The following ERG variants were observed in gnomAD, a reference collection of about 807,000 sequenced individuals.
ERG encodes ETS transcription factor ERG.
Under a neutral mutation model 55.3 loss-of-function variants are expected in ERG, and 9 were observed. That is an observed-to-expected ratio of 0.16 (90% confidence interval 0.10 to 0.28). The LOEUF is 0.28. Ranked by LOEUF, ERG falls within the 10% of genes least tolerant of loss-of-function variation. The pLI, the probability that ERG is intolerant of heterozygous loss-of-function variation, is 1.00. For missense variants in ERG, 434 were observed against 631.6 expected (o/e 0.69, Z 3.35); for synonymous variants, 223 against 237.3 (o/e 0.94, Z 0.55).
Position 38,559,583 on chromosome 21 carries a change from A to G in ERG, c.-41+16079T>C, listed in dbSNP as rs186709929. Reference sequence around the variant, plus strand: ...TAACGTCAACCTTAAATAACAGTAGAGGCAGGTAATATAACAAATAGAGTC... The same window carrying G: ...TAACGTCAACCTTAAATAACAGTAGGGGCAGGTAATATAACAAATAGAGTC... On this transcript the variant is annotated intron_variant, in intron 2 of 8. Transcript: ENST00000398897. 1.8e-4 allele frequency among the ~76,000 whole-genome samples: 27 copies of G among 152,328 alleles called. No homozygotes were observed. The East Asian group carries it at 5.0e-3, about 28-fold the overall frequency.
At chr21:38,436,234 C>T (rs1270585567) in intron 2 of ERG, among the ~76,000 whole-genome samples, 2 of 151,918 alleles carry the variant, frequency 1.3e-5, no homozygotes, top group Non-Finnish European at 2.9e-5. Flanking sequence ...TGGTCTCGAA[C>T]TCCTGACCCA....
intron 1 of ERG, among the ~76,000 whole-genome samples, chr21:38,608,643 G>A (rs1291698479): frequency 1.2e-4 from 18 of 152,182 alleles, no homozygotes; most frequent in Admixed American, 1.1e-3. Flanking sequence ...ACCTAAAGCT[G>A]AGGGTTTGGA....
intron 2 of ERG, among the ~76,000 whole-genome samples, chr21:38,436,000 C>A (rs1236051846): frequency 1.3e-5 from 2 of 149,008 alleles, no homozygotes; most frequent in Non-Finnish European, 3.0e-5. Flanking sequence ...GTAACCAAAA[C>A]AATTTTACTT....
At chr21:38,549,626 G>A (rs971181008) in intron 2 of ERG, among the ~76,000 whole-genome samples, 4 of 152,130 alleles carry the variant, frequency 2.6e-5, no homozygotes, top group Non-Finnish European at 5.9e-5. Context: ...TTGAAACAGA[G>A]GCTTCTTTGG....
At chr21:38,637,606 C>G (rs2060397622) in intron 1 of ERG, among the ~76,000 whole-genome samples, 1 of 152,122 alleles carries the variant, frequency 6.6e-6, no homozygotes, top group Non-Finnish European at 1.5e-5. Context: ...GAAAGAGCAA[C>G]TAAAATTATG....
At chr21:38,422,114 T>C (rs1381949899) in intron 3 of ERG, among the ~76,000 whole-genome samples, 2 of 152,034 alleles carry the variant, frequency 1.3e-5, no homozygotes, top group Admixed American at 1.3e-4. Context: ...CAGTCACAGG[T>C]GGAGACGAGA....
At chr21:38,436,526 GT>G (rs2058791908) in intron 2 of ERG, among the ~76,000 whole-genome samples, 1 of 152,154 alleles carries the variant, frequency 6.6e-6, no homozygotes, top group South Asian at 2.1e-4. Context: ...GTCCAGGCCT[GT>G]GGTCAAATGG....
chr21:38,530,644 T>C (rs2059666005), intron 2 of ERG, among the ~76,000 whole-genome samples: 1 of 152,158 alleles, frequency 6.6e-6, no homozygotes, highest in South Asian at 2.1e-4. Flanking sequence ...ACCATCTACA[T>C]CATTAGGCGA....
chr21:38,378,819 C>T (rs905466203), downstream of ERG, among the ~76,000 whole-genome samples: 5 of 152,222 alleles, frequency 3.3e-5, no homozygotes, highest in African/African-American at 1.2e-4. Flanking sequence ...GGCAAAATAG[C>T]TTAAGATTAA....
intron 1 of ERG, among the ~76,000 whole-genome samples, chr21:38,492,228 G>A (rs760900132): frequency 3.3e-5 from 5 of 152,198 alleles, no homozygotes; most frequent in Non-Finnish European, 7.3e-5. Context: ...GCAGTACCCA[G>A]GCTGCTGTGA....
rs907349662 is a variant in ERG, at chr21:38,426,721, G to A, written c.237-3160C>T. ...CGAGCTGGGCGGATCACCTGAGGTC[G>A]GGAGTTTGAGACCAGCCTGACCAAC... is the stretch of plus-strand genomic sequence containing the variant. On this transcript the variant is annotated intron_variant, in intron 2 of 9. Transcript: ENST00000288319. Among the ~76,000 whole-genome samples the A allele has an allele frequency of 1.1e-4, 17 of 151,500 alleles. 1 individual carries two copies. Among genetic ancestry groups the A allele is most frequent in the Admixed American group, 8.5e-4 (13 of 15,212 alleles).
At chr21:38,370,746 G>T in the ERG span, among the ~76,000 whole-genome samples, 6 of 151,910 alleles carry the variant, frequency 3.9e-5, no homozygotes, top group South Asian at 2.1e-4. Context: ...TGTTAGATTA[G>T]TTTATGGACT....
chr21:38,544,500 G>T (rs1361638182), intron 2 of ERG, among the ~76,000 whole-genome samples: 2 of 152,188 alleles, frequency 1.3e-5, no homozygotes, highest in African/African-American at 2.4e-5. Flanking sequence ...TTCTCAGGTG[G>T]TACCAGTGGG....
chr21:38,526,634 C>G (rs766945117), intron 2 of ERG, among the ~76,000 whole-genome samples: 1 of 152,078 alleles, frequency 6.6e-6, no homozygotes, highest in Non-Finnish European at 1.5e-5. Context: ...AATTAAAATA[C>G]ATGCATATAT....
At chr21:38,428,304 C>T (rs2836385) in intron 2 of ERG, among the ~76,000 whole-genome samples, 33,876 of 151,768 alleles carry the variant, frequency 0.22, 3,930 homozygotes, top group South Asian at 0.29. Flanking sequence ...AGAAAAGATC[C>T]ACACTGCACA....
rs114236657 is a variant in ERG at position 38,475,356 on chromosome 21, A to T, written c.18+23007T>A. On this transcript the variant is annotated intron_variant, in intron 1 of 9. Transcript: ENST00000288319. ...TAGTAGCAACCCATGACCAAGATGC[A>T]TTCCCCAAGCTTTTCGCACCTGACA... is the stretch of plus-strand genomic sequence containing the variant. 4.4e-3 allele frequency among the ~76,000 whole-genome samples: 663 copies of T among 152,228 alleles called. 5 individuals are homozygous for T. The highest frequency in any genetic ancestry group is 0.015 in the African/African-American group (614 of 41,540).
chr21:38,386,606 T>C (rs1423556288), intron 9 of ERG, among the ~76,000 whole-genome samples: 5 of 152,200 alleles, frequency 3.3e-5, no homozygotes, highest in Non-Finnish European at 5.9e-5. Flanking sequence ...CATTTTAGAA[T>C]ATAGAATAGA....
At chr21:38,565,003 C>G (rs1229563092) in intron 2 of ERG, among the ~76,000 whole-genome samples, 1 of 152,206 alleles carries the variant, frequency 6.6e-6, no homozygotes, top group African/African-American at 2.4e-5. Context: ...AGCCAAACCC[C>G]ACTTTTGACT....
At chr21:38,541,264 T>G (rs2059750346) in intron 2 of ERG, among the ~76,000 whole-genome samples, 1 of 152,134 alleles carries the variant, frequency 6.6e-6, no homozygotes, top group Non-Finnish European at 1.5e-5. Flanking sequence ...CAAATCAAAT[T>G]GGAAGAGAAG....
Sources: allele counts gnomAD v4.1 joint callset (sites outside exome capture counted in the v4.1 genomes callset), GRCh38; gene constraint gnomAD v4.1.1; transcripts MANE v1.5; gene names NCBI Gene and HGNC (gene_info 2026-07-23, HGNC 2026-07-21).